Variants in YIPF5 observed in about 807,000 individuals in gnomAD.
YIPF5 encodes Yip1 domain family member 5.
In YIPF5, 8 loss-of-function variants were observed where a neutral mutation model predicts 30.4. The observed-to-expected ratio is 0.26, with a 90% CI of 0.15 to 0.47. YIPF5 has a LOEUF of 0.47. YIPF5 is among the 20% of genes least tolerant of loss of function. The pLI, the probability that YIPF5 is intolerant of heterozygous loss-of-function variation, is 0.99. For missense variants in YIPF5, 282 were observed against 301.8 expected (o/e 0.93, Z 0.49); for synonymous variants, 104 against 107.9 (o/e 0.96, Z 0.23).
chr5:144,163,664 T>A (rs1160357520), intron 4 of YIPF5, among the ~76,000 whole-genome samples: 1 of 152,096 alleles, frequency 6.6e-6, no homozygotes, highest in Non-Finnish European at 1.5e-5. Flanking sequence ...TTAACATTCT[T>A]GGGAAGGTGA....
chr5:144,163,901 C>A, intron 4 of YIPF5: 1 of 432,578 alleles, frequency 2.3e-6, no homozygotes, highest in Non-Finnish European at 3.7e-6. Flanking sequence ...TTAATCATTT[C>A]TTAGAAAAAG....
chr5:144,165,627 T>G (rs558309393), intron 2 of YIPF5, 23 bp from the exon 3 acceptor site: 1 of 1,612,298 alleles, frequency 6.2e-7, no homozygotes, highest in Non-Finnish European at 8.5e-7. Context: ...GAAAGTTAAA[T>G]TTTTCAGAGG....
At position 144,158,415 on chromosome 5, in the gene YIPF5, G is replaced by A; in HGVS notation, c.*1982C>T. 8.0e-7 allele frequency: 1 copy of A among 1,249,618 alleles called. No homozygotes were observed. Among genetic ancestry groups the A allele is most frequent in the Non-Finnish European group, 1.0e-6 (1 of 968,596 alleles). The allele number at this position is 1,249,618 out of a possible 1,614,324, so 77.4% of individuals were successfully genotyped here. A position where few individuals can be genotyped will look rare whatever the true frequency, so the allele number is the denominator to read the frequency against. ...CTCTACAATAATTTAAACTAAAAAT[G>A]TTGTTGAGGATAGGGTAAACAACAA... On this transcript the variant is annotated 3_prime_UTR_variant, in exon 6 of 6. Coordinates refer to ENST00000274496, the MANE Select transcript of YIPF5 (RefSeq NM_030799.9).
Position 144,160,359 on chromosome 5 carries a change from A to G in YIPF5, c.*38T>C. 6.3e-7 allele frequency: 1 copy of G among 1,586,052 alleles called. No homozygotes were observed. Among genetic ancestry groups the G allele is most frequent in the Non-Finnish European group, 8.6e-7 (1 of 1,163,748 alleles). Reference sequence around the variant, plus strand: ...TTTAAGAGTTCAAGGTCCTTTTTGTACATCTGGCCCACTGATGTCCACATC... The same window carrying G: ...TTTAAGAGTTCAAGGTCCTTTTTGTGCATCTGGCCCACTGATGTCCACATC... On this transcript the variant is annotated 3_prime_UTR_variant, in exon 6 of 6. Coordinates refer to ENST00000274496, the MANE Select transcript of YIPF5 (RefSeq NM_030799.9).
At position 144,160,576 on chromosome 5, in the gene YIPF5, A is replaced by G. The variant is rs764833211; in HGVS notation, c.612-17T>C. Reference sequence around the variant, plus strand: ...ACCATTCCTCTGTAAACAACAAGGAAAAAGGGGGGAGAAGAAAAAAAAGCA... The same window carrying G: ...ACCATTCCTCTGTAAACAACAAGGAGAAAGGGGGGAGAAGAAAAAAAAGCA... On this transcript the variant is annotated splice_polypyrimidine_tract_variant and intron_variant, in intron 5 of 5. Coordinates refer to ENST00000274496, the MANE Select transcript of YIPF5 (RefSeq NM_030799.9). The G allele has an allele frequency of 2.5e-6, 4 of 1,595,876 alleles. No individual in the cohort carries two copies. The African/African-American group carries it at 4.1e-5, about 16-fold the overall frequency.
rs1227283871 is a variant in YIPF5, at chr5:144,158,190, A to G, written c.*2207T>C. The G allele has an allele frequency of 7.2e-6, 2 of 276,398 alleles. No homozygotes were observed. Among genetic ancestry groups the G allele is most frequent in the African/African-American group, 4.7e-5 (2 of 42,548 alleles). 17.1% of individuals were successfully genotyped at this position (276,398 alleles called of 1,614,324 possible). A position where few individuals can be genotyped will look rare whatever the true frequency, so the allele number is the denominator to read the frequency against. On this transcript the variant is annotated 3_prime_UTR_variant, in exon 6 of 6. Coordinates refer to ENST00000274496, the MANE Select transcript of YIPF5 (RefSeq NM_030799.9). Reference sequence around the variant, plus strand: ...TTGAGACACAGTACAACAGTCTTTAATGTATATATAAATATGCCTACATAA... The same window carrying G: ...TTGAGACACAGTACAACAGTCTTTAGTGTATATATAAATATGCCTACATAA...
intron 5 of YIPF5, among the ~76,000 whole-genome samples, chr5:144,161,568 A>T (rs1386513205): frequency 6.7e-6 from 1 of 150,242 alleles, no homozygotes; most frequent in Non-Finnish European, 1.5e-5. Context: ...CTGGTCTCAA[A>T]CTCCTGACAT....
At chr5:144,168,814 A>C (rs1045360988) in intron 2 of YIPF5, among the ~76,000 whole-genome samples, 1 of 152,196 alleles carries the variant, frequency 6.6e-6, no homozygotes, top group Non-Finnish European at 1.5e-5. Flanking sequence ...TTTGTTTTTT[A>C]AATTCTTGGG....
At chr5:144,162,498 T>A in intron 4 of YIPF5, 99 bp from the exon 5 acceptor site, 1 of 1,077,318 alleles carries the variant, frequency 9.3e-7, no homozygotes, top group East Asian at 2.5e-5. Flanking sequence ...TTTATGAGCA[T>A]CAAAATCTAC....
Position 144,158,728 on chromosome 5 carries a change from A to AT in YIPF5, c.*1668_*1669insA. The AT allele has an allele frequency of 9.9e-7, 1 of 1,013,866 alleles. No homozygotes were observed. Among genetic ancestry groups the AT allele is most frequent in the Non-Finnish European group, 1.2e-6 (1 of 849,110 alleles). 62.8% of individuals were successfully genotyped at this position (1,013,866 alleles called of 1,614,324 possible). On this transcript the variant is annotated 3_prime_UTR_variant, in exon 6 of 6. Coordinates refer to ENST00000274496, the MANE Select transcript of YIPF5 (RefSeq NM_030799.9). ...TTTTTAAAGCAATTTGGTAAGTTTG[A>AT]AAACCTAGCCCAAAACAAATTAATG...
chr5:144,165,240 T>A (rs555959678), intron 3 of YIPF5, among the ~76,000 whole-genome samples, 192 bp downstream of exon 3: 11 of 152,260 alleles, frequency 7.2e-5, no homozygotes, highest in Non-Finnish European at 1.3e-4. Flanking sequence ...TTAAAAGATC[T>A]ATTAAAAATC....
intron 4 of YIPF5, among the ~76,000 whole-genome samples, chr5:144,162,728 TAG>T (rs1235017937): frequency 6.6e-6 from 1 of 152,152 alleles, no homozygotes; most frequent in Non-Finnish European, 1.5e-5. Flanking sequence ...GCAAATAAAC[TAG>T]AGACAAGATG....
chr5:144,160,239 TA>T lies in YIPF5; in HGVS notation c.*157del. 1 of 1,450,618 alleles carries T rather than the reference TA, an allele frequency of 6.9e-7. No homozygotes were observed. The highest frequency in any genetic ancestry group is 9.1e-7 in the Non-Finnish European group (1 of 1,103,550). The allele number at this position is 1,450,618 out of a possible 1,614,324, so 89.9% of individuals were successfully genotyped here. On this transcript the variant is annotated 3_prime_UTR_variant, in exon 6 of 6. Coordinates refer to ENST00000274496, the MANE Select transcript of YIPF5 (RefSeq NM_030799.9). ...TCCAATATAGTATGCAAAAGTTCTA[TA>T]AAAATGAACAAGAGATACACGTTTA...
At chr5:144,168,247 G>A (rs1477657592) in intron 2 of YIPF5, among the ~76,000 whole-genome samples, 3 of 152,042 alleles carry the variant, frequency 2.0e-5, no homozygotes, top group African/African-American at 7.2e-5. Flanking sequence ...ACTGTTAAAG[G>A]GAATGAGACT....
Position 144,169,863 on chromosome 5 carries a change from A to C in YIPF5, c.93T>G (p.Ser31Arg). 6.2e-7 allele frequency: 1 copy of C among 1,614,112 alleles called. No individual in the cohort carries two copies. The highest frequency in any genetic ancestry group is 8.5e-7 in the Non-Finnish European group (1 of 1,179,950). The change falls in exon 2 of 6, where the codon AGT becomes AGG. Residue 31 changes from serine to arginine, a missense_variant. By Grantham distance (110) the Ser-to-Arg change is moderately radical. Coordinates refer to ENST00000274496, the MANE Select transcript of YIPF5 (RefSeq NM_030799.9). ...AAAGTTACTTGCTATAGGGTCCTCC[A>C]CTTCCTCCATAATCATAGGACTGCT... ...QSQQSYDYGG[S>R]GGPYSKQYAG... is the part of the protein sequence containing the mutation.
Position 144,159,058 on chromosome 5 carries a change from C to A in YIPF5, c.*1339G>T. 1 of 984,188 alleles carries A rather than the reference C, an allele frequency of 1.0e-6. No individual in the cohort carries two copies. Among genetic ancestry groups the A allele is most frequent in the Non-Finnish European group, 1.2e-6 (1 of 828,868 alleles). 61.0% of individuals were successfully genotyped at this position (984,188 alleles called of 1,614,324 possible). Reference sequence around the variant, plus strand: ...GATACAGTATTTTCCTACAGATTCTCTCTGGCAAGAGAACATGACAATATA... The same window carrying A: ...GATACAGTATTTTCCTACAGATTCTATCTGGCAAGAGAACATGACAATATA... On this transcript the variant is annotated 3_prime_UTR_variant, in exon 6 of 6. Coordinates refer to ENST00000274496, the MANE Select transcript of YIPF5 (RefSeq NM_030799.9).
intron 3 of YIPF5, 107 bp from the exon 4 acceptor site, chr5:144,164,363 A>T: frequency 1.1e-6 from 1 of 936,598 alleles, no homozygotes; most frequent in Non-Finnish European, 1.6e-6. Context: ...TCAAAAAAGG[A>T]TCTAGCAATA....
chr5:144,160,421 G>C lies in YIPF5; in HGVS notation c.750C>G (p.Val250=), dbSNP rs35108266. Residue 250 remains valine, a synonymous_variant, in exon 6 of 6, where the codon GTC becomes GTG. Transcript: ENST00000274496. ...VAYPCALLYG[V]FALISVF ...TTCAAAAGACGGAAATCAGGGCAAA[G>C]ACTCCATATAACAAAGCGCAAGGAT... 5.6e-6 allele frequency: 9 copies of C among 1,613,656 alleles called. No individual in the cohort carries two copies. In the African/African-American group the frequency reaches 1.2e-4, roughly 22 times the overall value.
At chr5:144,166,762 C>T (rs1270226688) in intron 2 of YIPF5, among the ~76,000 whole-genome samples, 1 of 152,048 alleles carries the variant, frequency 6.6e-6, no homozygotes, top group Non-Finnish European at 1.5e-5. Flanking sequence ...AATTTCTTCA[C>T]AAAGAATATT....
Sources: gnomAD v4.1 joint callset for allele counts (sites outside exome capture counted in the v4.1 genomes callset) on GRCh38, gnomAD v4.1.1 for gene constraint, MANE v1.5 for transcripts, NCBI Gene and HGNC (gene_info 2026-07-23, HGNC 2026-07-21) for gene names.